Variants in DDX39B observed in about 807,000 individuals in gnomAD.
The protein encoded by DDX39B is spliceosome RNA helicase DDX39B.
DDX39B carries 6 observed loss-of-function variants against 46.4 expected under a neutral mutation model. The ratio of observed to expected loss-of-function variants is 0.13; its 90% CI spans 0.07 to 0.26. The LOEUF (loss-of-function observed/expected upper bound fraction) is 0.26, where lower values mean the gene tolerates loss of function less well. DDX39B is among the 10% of genes least tolerant of loss of function. The pLI is 1.00. For missense variants in DDX39B, 185 were observed against 553.4 expected, an observed-to-expected ratio of 0.33 and a Z score of 6.68; for synonymous variants, 174 against 199.4, an observed-to-expected ratio of 0.87 and a Z score of 1.07.
Position 31,530,343 on chromosome 6 carries a change from T to G in DDX39B, c.*91A>C. 4 of 1,464,372 alleles carry G rather than the reference T, an allele frequency of 2.7e-6. No homozygotes were observed. The highest frequency in any genetic ancestry group is 3.8e-6 in the Non-Finnish European group (4 of 1,064,720). 90.7% of individuals were successfully genotyped at this position (1,464,372 alleles called of 1,614,324 possible). On this transcript the variant is annotated 3_prime_UTR_variant, in exon 11 of 11. Transcript: ENST00000396172. The surrounding 1 kb of genome is among the most constrained non-coding windows in gnomAD (Gnocchi z 4.5). ...GATGGAAGCCATGGGGTGGGGGCTG[T>G]CAGGGGTGGGGGCAGTAGTGTCTCC...
chr6:31,538,451 C>T (rs951718379), intron 4 of DDX39B, among the ~76,000 whole-genome samples: 3 of 152,200 alleles, frequency 2.0e-5, no homozygotes, highest in Admixed American at 1.3e-4. Flanking sequence ...CCATTGTGCA[C>T]TTGGCCAGAA....
At chr6:31,541,836 C>A in intron 1 of DDX39B, 114 bp downstream of exon 1, 1 of 646,888 alleles carries the variant, frequency 1.5e-6, no homozygotes. Context: ...AGCGAACCAA[C>A]TAGGCCCCAG....
In DDX39B at chr6:31,535,219, G is replaced by C. The variant is rs1374875165; in HGVS notation, c.735+148C>G. On this transcript the variant is annotated intron_variant, in intron 6 of 10. Coordinates refer to ENST00000396172, the MANE Select transcript of DDX39B (RefSeq NM_004640.7). This position sits in a 1 kb window ranked among gnomAD's most constrained non-coding sequence, Gnocchi z 4.6. ...CCTAACACTAGCTGTCTCTGCTTCT[G>C]TATGTCTCTTCAAGGAGTCATTACT... 6.6e-6 allele frequency: 5 copies of C among 754,936 alleles called. No individual in the cohort carries two copies. The highest frequency in any genetic ancestry group is 1.7e-5 in the African/African-American group (1 of 58,244). 46.8% of individuals were successfully genotyped at this position (754,936 alleles called of 1,614,324 possible).
In DDX39B at chr6:31,536,393, T is replaced by C. The variant is rs913763708; in HGVS notation, c.616+107A>G. The C allele has an allele frequency of 9.3e-6, 14 of 1,502,114 alleles. No individual in the cohort carries two copies. In the African/African-American group the frequency reaches 1.4e-4, roughly 15 times the overall value. The allele number at this position is 1,502,114 out of a possible 1,614,324, so 93.0% of individuals were successfully genotyped here. A position where few individuals can be genotyped will look rare whatever the true frequency, so the allele number is the denominator to read the frequency against. On this transcript the variant is annotated intron_variant, in intron 5 of 10. Coordinates refer to ENST00000396172, the MANE Select transcript of DDX39B (RefSeq NM_004640.7). ...ACCCAGAGCCATCAGTCATGGGTGA[T>C]AGATAAGAGTCGTCCTTGCACTGAG... is the stretch of plus-strand genomic sequence containing the variant.
rs1309736038 is a variant in DDX39B, at chr6:31,535,037, G to A, written c.735+330C>T. 1 of 404,230 alleles carries A rather than the reference G, an allele frequency of 2.5e-6. No homozygotes were observed. Among genetic ancestry groups the A allele is most frequent in the Non-Finnish European group, 4.7e-6 (1 of 214,066 alleles). The allele number at this position is 404,230 out of a possible 1,614,324, so 25.0% of individuals were successfully genotyped here. The stretch of plus-strand genomic sequence containing the variant: ...GCGTGGCTGTAGGGTGCATGTAAGA[G>A]ACGATGGATGGGTGGGTGGTAGGGC... On this transcript the variant is annotated intron_variant, in intron 6 of 10. Transcript: ENST00000396172. The surrounding 1 kb of genome is among the most constrained non-coding windows in gnomAD (Gnocchi z 4.6).
rs921108298 is a variant in DDX39B at position 31,535,965 on chromosome 6, T to C, written c.617-480A>G. Among the ~76,000 whole-genome samples the C allele has an allele frequency of 1.3e-5, 2 of 152,192 alleles. No individual in the cohort carries two copies. Among genetic ancestry groups the C allele is most frequent in the South Asian group, 2.1e-4 (1 of 4,828 alleles). ...GCCAAAGATCATTTGTAATGACTTATGGGGCCTATGTCCAACCCCACTCTC... is the reference window on the plus strand; with the variant it reads ...GCCAAAGATCATTTGTAATGACTTACGGGGCCTATGTCCAACCCCACTCTC... On this transcript the variant is annotated intron_variant, in intron 5 of 10. Coordinates refer to ENST00000396172, the MANE Select transcript of DDX39B (RefSeq NM_004640.7). The surrounding 1 kb of genome is among the most constrained non-coding windows in gnomAD (Gnocchi z 4.6).
At chr6:31,538,200 G>C (rs1768001052) in intron 4 of DDX39B, among the ~76,000 whole-genome samples, 4 of 151,872 alleles carry the variant, frequency 2.6e-5, no homozygotes, top group African/African-American at 9.7e-5. Flanking sequence ...CTGCCACCCA[G>C]GCTGGAGTGT....
rs1377562429 is a variant in DDX39B at position 31,531,536 on chromosome 6, C to A, written c.868-131G>T. On this transcript the variant is annotated intron_variant, in intron 7 of 10. Transcript: ENST00000396172. This position sits in a 1 kb window ranked among gnomAD's most constrained non-coding sequence, Gnocchi z 5.8. The stretch of plus-strand genomic sequence containing the variant: ...GAATTCCTCTTCATTTCTCTTATTC[C>A]CCCACTATATATTTAGAGCAGAAAA... 8.1e-6 allele frequency: 6 copies of A among 741,994 alleles called. No homozygotes were observed. The highest frequency in any genetic ancestry group is 1.4e-5 in the Non-Finnish European group (6 of 440,774). 46.0% of individuals were successfully genotyped at this position (741,994 alleles called of 1,614,324 possible).
chr6:31,541,297 G>T, intron 1 of DDX39B: 1 of 465,968 alleles, frequency 2.1e-6, no homozygotes. Flanking sequence ...AAATGGCTCG[G>T]CCACAAAAAA....
chr6:31,540,953 G>C (rs1768351365), intron 1 of DDX39B: 1 of 415,908 alleles, frequency 2.4e-6, no homozygotes, highest in Non-Finnish European at 4.7e-6. Context: ...GTAACAGTGA[G>C]GAAATAGAAT....
intron 5 of DDX39B, 104 bp downstream of exon 5, chr6:31,536,396 A>G (rs753851723): frequency 2.0e-5 from 30 of 1,526,676 alleles, no homozygotes; most frequent in East Asian, 4.5e-5. Context: ...TGGGTGATAG[A>G]TAAGAGTCGT....
At chr6:31,541,443 G>A (rs989664091) in intron 1 of DDX39B, 6 of 370,484 alleles carry the variant, frequency 1.6e-5, no homozygotes, top group Non-Finnish European at 3.3e-5. Context: ...GACTCCTTTT[G>A]GAGAAACATA....
chr6:31,540,533 A>T lies in DDX39B; in HGVS notation c.-1T>A. ...CATTGTCCACATCGTTCTCTGCCAT[A>T]ACTGGGCCGGCAGGGGAAGAAGGGA... On this transcript the variant is annotated 5_prime_UTR_variant, in exon 2 of 11. Transcript: ENST00000396172. The T allele has an allele frequency of 6.2e-7, 1 of 1,613,870 alleles. No individual in the cohort carries two copies. Among genetic ancestry groups the T allele is most frequent in the Non-Finnish European group, 8.5e-7 (1 of 1,179,920 alleles).
In DDX39B at chr6:31,536,611, C is replaced by T; in HGVS notation, c.505G>A (p.Val169Ile). The T allele has an allele frequency of 1.9e-6, 3 of 1,613,218 alleles. No homozygotes were observed. The highest frequency in any genetic ancestry group is 2.5e-6 in the Non-Finnish European group (3 of 1,180,022). Residue 169 changes from valine (V) to isoleucine (I), a missense_variant, in exon 5 of 11, where the codon GTC becomes ATC. Around this residue, in one of 5 missense-constraint regions of DDX39B, gnomAD observed 110 missense variants for 282.2 expected, o/e 0.39. Coordinates refer to ENST00000396172, the MANE Select transcript of DDX39B (RefSeq NM_004640.7). ...EVLKKNCPHI[V>I]VGTPGRILAL... ...AGGATACGGCCTGGAGTCCCCACGA[C>T]GATATGCGGGCAGTTCTTCTTCAGC...
chr6:31,534,171 G>A lies in DDX39B; in HGVS notation c.735+1196C>T, dbSNP rs537578472. On this transcript the variant is annotated intron_variant, in intron 6 of 10. Coordinates refer to ENST00000396172, the MANE Select transcript of DDX39B (RefSeq NM_004640.7). The surrounding 1 kb of genome is among the most constrained non-coding windows in gnomAD (Gnocchi z 5.1). The stretch of plus-strand genomic sequence containing the variant: ...ACTACAGGCATGCGCCACCACGCCC[G>A]GTTTTTCTGGTAGAGACAAAGTCTC... 51 of 183,062 alleles carry A rather than the reference G, an allele frequency of 2.8e-4. No homozygotes were observed. Among genetic ancestry groups the A allele is most frequent in the Non-Finnish European group, 5.1e-4 (44 of 85,800 alleles). 11.3% of individuals were successfully genotyped at this position (183,062 alleles called of 1,614,324 possible). A position where few individuals can be genotyped will look rare whatever the true frequency, so the allele number is the denominator to read the frequency against.
chr6:31,531,360 G>A lies in DDX39B; in HGVS notation c.913C>T (p.Gln305Ter). Residue 305 changes from glutamine (Q) to a stop codon, truncating the protein, a stop_gained, in exon 8 of 11, where the codon CAG becomes TAG. Transcript: ENST00000396172. LOFTEE classifies it high-confidence loss of function. This position sits in a 1 kb window ranked among gnomAD's most constrained non-coding sequence, Gnocchi z 5.8. ...KSVQRCIALAQLLVEQNFPAI... is the reference protein window; with the variant it reads ...KSVQRCIALA ...GGGAAGTTCTGCTCCACTAGTAGCT[G>A]GGCCAAGGCAATGCACCGCTGCACA... The A allele has an allele frequency of 6.2e-7, 1 of 1,614,104 alleles. No homozygotes were observed. The highest frequency in any genetic ancestry group is 8.5e-7 in the Non-Finnish European group (1 of 1,180,026).
chr6:31,540,439 T>C lies in DDX39B; in HGVS notation c.94A>G (p.Lys32Glu). 1 of 1,614,232 alleles carries C rather than the reference T, an allele frequency of 6.2e-7. No homozygotes were observed. The highest frequency in any genetic ancestry group is 8.5e-7 in the Non-Finnish European group (1 of 1,180,044). ...ACATAGGAGCCCTTGACATCCTTCT[T>C]GGCAGGGGCCTCAGCCCCATCTCCC... Reference protein sequence around the residue: ...AGGDGAEAPAKKDVKGSYVSI... With the variant: ...AGGDGAEAPAEKDVKGSYVSI... Residue 32 changes from lysine (K) to glutamate (E), a missense_variant, in exon 2 of 11, where the codon AAG (lysine) becomes GAG (glutamate). Coordinates refer to ENST00000396172, the MANE Select transcript of DDX39B (RefSeq NM_004640.7).
chr6:31,538,712 T>C (rs776904787), intron 4 of DDX39B, 51 bp downstream of exon 4: 1 of 1,514,238 alleles, frequency 6.6e-7, no homozygotes, highest in Non-Finnish European at 9.0e-7. Flanking sequence ...AAGTTTCTTA[T>C]CCCTCCAACT....
At chr6:31,536,410 T>G in intron 5 of DDX39B, 90 bp downstream of exon 5, 1 of 1,578,666 alleles carries the variant, frequency 6.3e-7, no homozygotes, top group South Asian at 1.1e-5. Flanking sequence ...GAGTCGTCCT[T>G]GCACTGAGGT....
Sources: allele counts gnomAD v4.1 joint callset (sites outside exome capture counted in the v4.1 genomes callset), GRCh38; gene constraint gnomAD v4.1.1; regional missense constraint gnomAD v4.1.1; non-coding constraint Gnocchi (gnomAD v3.1); transcripts MANE v1.5; gene names NCBI Gene and HGNC (gene_info 2026-07-23, HGNC 2026-07-21).